MMS22L: variants seen among roughly 807,000 people sequenced by gnomAD.
The protein encoded by MMS22L is protein MMS22-like.
In MMS22L, 74 loss-of-function variants were observed where a neutral mutation model predicts 159.1. That is an observed-to-expected ratio of 0.47 (90% CI 0.39 to 0.56). The LOEUF (loss-of-function observed/expected upper bound fraction) is 0.56, where lower values mean the gene tolerates loss of function less well. Ranked by LOEUF, MMS22L falls within the 20% of genes least tolerant of loss-of-function variation. The pLI, the probability that MMS22L is intolerant of heterozygous loss-of-function variation, is 0.00. For missense variants in MMS22L, 1,351 were observed against 1,422.1 expected, an observed-to-expected ratio of 0.95 and a Z score of 0.80; for synonymous variants, 517 against 506.9, an observed-to-expected ratio of 1.02 and a Z score of -0.27.
rs112066695 is a variant in MMS22L, at chr6:97,197,445, C to A, written c.2040-10755G>T. ...CCAGAGTATCACGTGGGTAGGACCA[C>A]TAGTTAAGGTCCAGGATCTTTGTCC... On this transcript the variant is annotated intron_variant, in intron 14 of 24. Transcript: ENST00000683635. Among the ~76,000 whole-genome samples, 1,108 of 152,204 alleles carry A rather than the reference C, an allele frequency of 7.3e-3. 16 individuals carry two copies. Among genetic ancestry groups the A allele is most frequent in the African/African-American group, 0.025 (1,035 of 41,530 alleles).
At chr6:97,150,147 G>A in intron 23 of MMS22L, 127 bp from the exon 24 acceptor site, 2 of 644,138 alleles carry the variant, frequency 3.1e-6, no homozygotes, top group Non-Finnish European at 5.0e-6. Context: ...GTAAGAATCT[G>A]GATGCAATAT....
chr6:97,145,067 A>ACAC lies in MMS22L; in HGVS notation c.*1738_*1739insGTG, dbSNP rs34588294. 0.046 allele frequency: 5,648 copies of ACAC among 124,076 alleles called. 393 individuals are homozygous for ACAC. Among genetic ancestry groups the ACAC allele is most frequent in the South Asian group, 0.08 (323 of 4,034 alleles). 7.7% of individuals were successfully genotyped at this position (124,076 alleles called of 1,614,324 possible). Reference sequence around the variant, plus strand: ...ACACACACACACACACACACACACAAAAACACATATACACATAAATAACCT... The same window carrying ACAC: ...ACACACACACACACACACACACACAACACAAACACATATACACATAAATAACCT... On this transcript the variant is annotated 3_prime_UTR_variant, in exon 25 of 25. Coordinates refer to ENST00000683635, the MANE Select transcript of MMS22L (RefSeq NM_001350599.2).
intron 22 of MMS22L, among the ~76,000 whole-genome samples, chr6:97,152,834 A>T (rs1189655820): frequency 1.4e-4 from 19 of 138,412 alleles, no homozygotes; most frequent in South Asian, 2.4e-4. Flanking sequence ...AAAAATGAGT[A>T]TTTTCTTTTT....
At position 97,143,089 on chromosome 6, in the gene MMS22L, T is replaced by C. The variant is rs1800714015; in HGVS notation, c.*3717A>G. The C allele has an allele frequency of 2.0e-5, 3 of 152,622 alleles. No individual in the cohort carries two copies. The South Asian group carries it at 6.2e-4, about 32-fold the overall frequency. The allele number at this position is 152,622 out of a possible 1,614,324, so 9.5% of individuals were successfully genotyped here. A position where few individuals can be genotyped will look rare whatever the true frequency, so the allele number is the denominator to read the frequency against. ...GGAAACGTTCTAATTAAATTGAAAT[T>C]TAAATCATAACCAAATCCAAATGCC... On this transcript the variant is annotated 3_prime_UTR_variant, in exon 25 of 25. Coordinates refer to ENST00000683635, the MANE Select transcript of MMS22L (RefSeq NM_001350599.2).
intron 12 of MMS22L, among the ~76,000 whole-genome samples, chr6:97,232,782 C>A (rs1811003661): frequency 6.6e-6 from 1 of 152,062 alleles, no homozygotes; most frequent in Non-Finnish European, 1.5e-5. Flanking sequence ...CTCCATTATC[C>A]ACAAATCCAA....
At chr6:97,172,952 CTT>C in intron 19 of MMS22L, 109 bp downstream of exon 19, 1 of 1,004,476 alleles carries the variant, frequency 1.0e-6, no homozygotes, top group Non-Finnish European at 1.4e-6. Context: ...TCAGATTACT[CTT>C]ATGATTGTAT....
intron 14 of MMS22L, among the ~76,000 whole-genome samples, chr6:97,203,118 T>G (rs1185106226): frequency 6.6e-6 from 1 of 152,234 alleles, no homozygotes; most frequent in East Asian, 1.9e-4. Context: ...AGCATTTAAC[T>G]TGGAATGCCT....
At chr6:97,238,616 A>T (rs1811705683) in intron 11 of MMS22L, among the ~76,000 whole-genome samples, 1 of 145,964 alleles carries the variant, frequency 6.9e-6, no homozygotes, top group African/African-American at 2.7e-5. Flanking sequence ...TGAGTGTATC[A>T]GACGGGGAGA....
intron 10 of MMS22L, 103 bp downstream of exon 10, chr6:97,254,454 G>T: frequency 1.2e-6 from 1 of 815,024 alleles, no homozygotes; most frequent in Non-Finnish European, 1.9e-6. Context: ...CTCTGTGATT[G>T]TAGTCTGACT....
intron 22 of MMS22L, among the ~76,000 whole-genome samples, chr6:97,160,575 CTGTT>C (rs1379117320): frequency 4.6e-5 from 7 of 151,936 alleles, no homozygotes; most frequent in African/African-American, 1.7e-4. Flanking sequence ...TATAATGTAT[CTGTT>C]TGTGGATCTT....
At chr6:97,235,858 C>T (rs1360037048) in intron 11 of MMS22L, among the ~76,000 whole-genome samples, 1 of 152,134 alleles carries the variant, frequency 6.6e-6, no homozygotes, top group African/African-American at 2.4e-5. Flanking sequence ...GAAAGTGACA[C>T]TTCTAACATA....
At chr6:97,199,590 C>T (rs2473108) in intron 14 of MMS22L, among the ~76,000 whole-genome samples, 52,457 of 151,784 alleles carry the variant, frequency 0.35, 10,455 homozygotes, top group East Asian at 0.78. Context: ...ATCCTCAACA[C>T]TTCTCTCACA....
Position 97,235,330 on chromosome 6 carries a change from G to A in MMS22L, c.1183-1350C>T, listed in dbSNP as rs548109122. Reference sequence around the variant, plus strand: ...TAAAGGAAGAACTTATGAGGTGAGTGTCCAGGGTATACAAGTAGAGCTATT... The same window carrying A: ...TAAAGGAAGAACTTATGAGGTGAGTATCCAGGGTATACAAGTAGAGCTATT... On this transcript the variant is annotated intron_variant, in intron 11 of 24. Transcript: ENST00000683635. 3.3e-5 allele frequency among the ~76,000 whole-genome samples: 5 copies of A among 152,276 alleles called. No homozygotes were observed. The South Asian group carries it at 1.0e-3, about 32-fold the overall frequency.
At chr6:97,181,813 C>A (rs1206171) in intron 16 of MMS22L, 91 bp downstream of exon 16, 683,056 of 1,347,282 alleles carry the variant, frequency 0.51, 177,517 homozygotes, top group African/African-American at 0.7. Context: ...TAGTAGAGAT[C>A]AGTCCTCATT....
chr6:97,178,353 A>C, intron 18 of MMS22L, 90 bp downstream of exon 18: 3 of 1,002,468 alleles, frequency 3.0e-6, no homozygotes, highest in Non-Finnish European at 4.3e-6. Context: ...ATAAGAATTC[A>C]TTTTATAGAA....
At chr6:97,211,741 G>A (rs892766682) in intron 14 of MMS22L, among the ~76,000 whole-genome samples, 21 of 152,100 alleles carry the variant, frequency 1.4e-4, no homozygotes, top group African/African-American at 4.8e-4. Flanking sequence ...AAAGAAATGC[G>A]GCAAAGTGTA....
At chr6:97,218,898 A>G (rs558667157) in intron 14 of MMS22L, among the ~76,000 whole-genome samples, 27 of 152,338 alleles carry the variant, frequency 1.8e-4, no homozygotes, top group Non-Finnish European at 3.1e-4. Context: ...TATATTCACT[A>G]ATTTAAACTG....
intron 19 of MMS22L, among the ~76,000 whole-genome samples, chr6:97,169,156 T>G (rs1268836285): frequency 6.6e-6 from 1 of 152,074 alleles, no homozygotes; most frequent in African/African-American, 2.4e-5. Flanking sequence ...CAAACAAAAT[T>G]TTAATTCTGA....
At chr6:97,218,105 GA>G (rs1237886763) in intron 14 of MMS22L, among the ~76,000 whole-genome samples, 1 of 152,100 alleles carries the variant, frequency 6.6e-6, no homozygotes, top group Non-Finnish European at 1.5e-5. Context: ...TAGTGAATTA[GA>G]AAGATAAAAT....
Sources: gnomAD v4.1 joint callset for allele counts (sites outside exome capture counted in the v4.1 genomes callset) on GRCh38, gnomAD v4.1.1 for gene constraint, MANE v1.5 for transcripts, NCBI Gene and HGNC (gene_info 2026-07-23, HGNC 2026-07-21) for gene names.